The following EPB41L5 variants were observed in gnomAD, a reference collection of about 807,000 sequenced individuals.
EPB41L5 encodes erythrocyte membrane protein band 4.1 like 5.
Under a neutral mutation model 106.6 loss-of-function variants are expected in EPB41L5, and 55 were observed. That is an observed-to-expected ratio of 0.52 (90% CI 0.42 to 0.65). The LOEUF is 0.65. EPB41L5 is among the 30% of genes least tolerant of loss of function. EPB41L5 has a pLI of 0.00. For synonymous variants in EPB41L5, 297 were observed against 306.7 expected (o/e 0.97, Z 0.33); for missense variants, 871 against 882.1 (o/e 0.99, Z 0.16).
intron 21 of EPB41L5, among the ~76,000 whole-genome samples, chr2:120,163,706 G>C (rs866773129): frequency 2.2e-4 from 33 of 151,428 alleles, no homozygotes; most frequent in African/African-American, 7.8e-4. Flanking sequence ...TGTAATCCCG[G>C]TGCTTTGGGA....
intron 24 of EPB41L5, among the ~76,000 whole-genome samples, chr2:120,173,699 T>A (rs1356697456): frequency 6.6e-6 from 1 of 152,242 alleles, no homozygotes; most frequent in Non-Finnish European, 1.5e-5. Flanking sequence ...AAACTTTTTT[T>A]AGAGACAGTG....
Position 120,102,998 on chromosome 2 carries a change from C to A in EPB41L5, c.1337+2184C>A, listed in dbSNP as rs1429991841. 2.0e-5 allele frequency among the ~76,000 whole-genome samples: 3 copies of A among 152,116 alleles called. No individual in the cohort carries two copies. In the East Asian group the frequency reaches 5.8e-4, roughly 29 times the overall value. On this transcript the variant is annotated intron_variant, in intron 16 of 24. Coordinates refer to ENST00000263713, the MANE Select transcript of EPB41L5 (RefSeq NM_020909.4). ...ATTTTTGTGAGCCAGGTCTGATGAACAAATTGTATTTCAGTTAAAAGAAAG... is the reference window on the plus strand; with the variant it reads ...ATTTTTGTGAGCCAGGTCTGATGAAAAAATTGTATTTCAGTTAAAAGAAAG...
chr2:120,081,721 T>C (rs1682682087), intron 10 of EPB41L5, among the ~76,000 whole-genome samples: 3 of 152,210 alleles, frequency 2.0e-5, no homozygotes, highest in African/African-American at 4.8e-5. Context: ...TTTCATGATA[T>C]TGATTCTTCC....
At chr2:120,013,926 T>C (rs1255857236) in intron 1 of EPB41L5, among the ~76,000 whole-genome samples, 1 of 152,246 alleles carries the variant, frequency 6.6e-6, no homozygotes, top group Non-Finnish European at 1.5e-5. Context: ...AACCCACAAC[T>C]GCATTAACTC....
At chr2:120,163,596 T>G (rs925059218) in intron 21 of EPB41L5, among the ~76,000 whole-genome samples, 6 of 151,656 alleles carry the variant, frequency 4.0e-5, no homozygotes, top group African/African-American at 1.2e-4. Flanking sequence ...TACTGGTTTT[T>G]TTTTTTTTTT....
At chr2:120,116,016 G>T (rs1044619303) in intron 16 of EPB41L5, among the ~76,000 whole-genome samples, 25 of 151,900 alleles carry the variant, frequency 1.6e-4, no homozygotes, top group African/African-American at 6.0e-4. Context: ...TTGCCATGTT[G>T]GTCATGCTGG....
chr2:120,141,567 G>A (rs1686176270), intron 18 of EPB41L5, among the ~76,000 whole-genome samples: 1 of 152,106 alleles, frequency 6.6e-6, no homozygotes, highest in South Asian at 2.1e-4. Flanking sequence ...GAGTTATGTT[G>A]TCTTAATTCA....
At chr2:120,136,265 C>A (rs1574736463) in intron 18 of EPB41L5, among the ~76,000 whole-genome samples, 1 of 147,230 alleles carries the variant, frequency 6.8e-6, no homozygotes, top group Admixed American at 6.8e-5. Context: ...AACAGATACA[C>A]AAAGAAATAA....
intron 16 of EPB41L5, among the ~76,000 whole-genome samples, chr2:120,114,291 A>G (rs565891711): frequency 1.3e-5 from 2 of 152,326 alleles, no homozygotes; most frequent in South Asian, 4.1e-4. Flanking sequence ...TTGACTTAAG[A>G]GTTTTCAACT....
At position 120,175,213 on chromosome 2, in the gene EPB41L5, A is replaced by C. The variant is rs1256265794; in HGVS notation, c.*306A>C. 1.2e-5 allele frequency: 4 copies of C among 337,042 alleles called. No individual in the cohort carries two copies. Among genetic ancestry groups the C allele is most frequent in the Non-Finnish European group, 2.3e-5 (4 of 174,324 alleles). The allele number at this position is 337,042 out of a possible 1,614,324, so 20.9% of individuals were successfully genotyped here. ...TTCCTTCAAACTCTTGGCTCCACCT[A>C]GCGGTTCTATTTGTTCATAACAACT... On this transcript the variant is annotated 3_prime_UTR_variant, in exon 25 of 25. Transcript: ENST00000263713.
chr2:120,055,608 C>A (rs1440634795), intron 3 of EPB41L5, among the ~76,000 whole-genome samples: 1 of 149,926 alleles, frequency 6.7e-6, no homozygotes, highest in Non-Finnish European at 1.5e-5. Context: ...CCTGCCTCAG[C>A]CTCCCTAGGT....
At chr2:120,106,993 T>A in intron 16 of EPB41L5, 2 of 846,596 alleles carry the variant, frequency 2.4e-6, no homozygotes, top group Non-Finnish European at 2.8e-6. Context: ...ATAATTCAAA[T>A]CATCTTTTTT....
rs372870466 is a variant in EPB41L5 at position 120,159,932 on chromosome 2, T to C, written c.1794-949T>C. On this transcript the variant is annotated intron_variant, in intron 20 of 24. Coordinates refer to ENST00000263713, the MANE Select transcript of EPB41L5 (RefSeq NM_020909.4). The stretch of plus-strand genomic sequence containing the variant: ...TGAAATTGTGTCCTTTGCAGAAATA[T>C]GGGTGGAGCTGGAGGCCATTATCCT... Among the ~76,000 whole-genome samples the C allele has an allele frequency of 4.6e-5, 7 of 152,260 alleles. No individual in the cohort carries two copies. The East Asian group carries it at 1.3e-3, about 29-fold the overall frequency.
At chr2:120,148,244 C>T (rs1422614909) in intron 20 of EPB41L5, among the ~76,000 whole-genome samples, 2 of 151,972 alleles carry the variant, frequency 1.3e-5, no homozygotes, top group Non-Finnish European at 2.9e-5. Context: ...CAACCATTAC[C>T]ACTATAATAA....
intron 3 of EPB41L5, among the ~76,000 whole-genome samples, chr2:120,049,702 C>T (rs563455834): frequency 6.6e-6 from 1 of 152,224 alleles, no homozygotes; most frequent in Non-Finnish European, 1.5e-5. Flanking sequence ...TTGATCCTGT[C>T]ATTGTGATGT....
chr2:120,025,783 A>G (rs939889414), intron 2 of EPB41L5, among the ~76,000 whole-genome samples: 5 of 152,234 alleles, frequency 3.3e-5, no homozygotes, highest in African/African-American at 1.2e-4. Context: ...GAAATTTACA[A>G]GCTGATTCTA....
chr2:120,165,967 C>CAGAAAAA, intron 22 of EPB41L5, among the ~76,000 whole-genome samples: 1 of 27,984 alleles, frequency 3.6e-5, no homozygotes, highest in Non-Finnish European at 7.1e-5. Context: ...GACTCCGTCT[C>CAGAAAAA]AAAAAAAAAA....
chr2:120,073,270 T>C, intron 4 of EPB41L5, 50 bp downstream of exon 4: 1 of 1,407,058 alleles, frequency 7.1e-7, no homozygotes. Flanking sequence ...TAGAATATAT[T>C]AGAAATTCTG....
chr2:120,041,217 A>T (rs1369878846), intron 2 of EPB41L5, among the ~76,000 whole-genome samples: 1 of 152,152 alleles, frequency 6.6e-6, no homozygotes, highest in Non-Finnish European at 1.5e-5. Flanking sequence ...CACTTTTGCA[A>T]ATCTGTTTAA....
Sources: allele counts gnomAD v4.1 joint callset (sites outside exome capture counted in the v4.1 genomes callset), GRCh38; gene constraint gnomAD v4.1.1; transcripts MANE v1.5; gene names NCBI Gene and HGNC (gene_info 2026-07-23, HGNC 2026-07-21).